The following SLCO2B1 variants were observed in gnomAD, a reference collection of about 807,000 sequenced individuals.
SLCO2B1 encodes the protein solute carrier organic anion transporter family member 2B1, also known as OATP-RP2.
Under a neutral mutation model 67.3 loss-of-function variants are expected in SLCO2B1, and 41 were observed. The observed-to-expected ratio is 0.61, with a 90% CI of 0.47 to 0.79. The LOEUF (loss-of-function observed/expected upper bound fraction) is 0.79. Ranked by LOEUF, SLCO2B1 falls within the 30% of genes least tolerant of loss-of-function variation. The probability of loss-of-function intolerance (pLI) is 0.00; values close to 1 mark genes in which losing one functional copy is unlikely to be tolerated. For synonymous variants in SLCO2B1, 379 were observed against 381.4 expected (o/e 0.99, Z 0.07); for missense variants, 837 against 920.1 (o/e 0.91, Z 1.17).
chr11:75,165,956 G>A lies in SLCO2B1; in HGVS notation c.448+7G>A, dbSNP rs1170020984. 2.5e-6 allele frequency: 4 copies of A among 1,611,572 alleles called. No homozygotes were observed. The African/African-American group carries it at 4.0e-5, about 16-fold the overall frequency. ...TACGACAACACCAGCCCTGGTAAGA[G>A]CAGCAGGGGCTGGGCAGGAGTGGGA... On this transcript the variant is annotated splice_region_variant and intron_variant, in intron 4 of 13. Transcript: ENST00000289575.
At position 75,169,713 on chromosome 11, in the gene SLCO2B1, C is replaced by T. The variant is rs773625681; in HGVS notation, c.730C>T (p.Leu244=). ...GATGGGGCCAGGCCTGGCCTTTGGG[C>T]TGGGCAGCCTCATGCTGCGCCTTTA... The part of the protein sequence containing the change: ...TMMGPGLAFG[L]GSLMLRLYVD... The change falls in exon 6 of 14, where the codon CTG becomes TTG. Residue 244 remains leucine, a synonymous_variant. Coordinates refer to ENST00000289575, the MANE Select transcript of SLCO2B1 (RefSeq NM_007256.5). The T allele has an allele frequency of 5.6e-6, 9 of 1,614,156 alleles. No homozygotes were observed. The highest frequency in any genetic ancestry group is 1.6e-4 in the Middle Eastern group (1 of 6,062).
At chr11:75,188,866 C>A (rs1565545918) in intron 8 of SLCO2B1, among the ~76,000 whole-genome samples, 2 of 152,206 alleles carry the variant, frequency 1.3e-5, no homozygotes, top group African/African-American at 2.4e-5. Flanking sequence ...CAGTTCAGAT[C>A]TGAGCCTGTG....
intron 1 of SLCO2B1, among the ~76,000 whole-genome samples, chr11:75,160,849 T>G (rs749192096): frequency 2.0e-5 from 3 of 152,226 alleles, no homozygotes; most frequent in Non-Finnish European, 2.9e-5. Context: ...TCATTAGTCA[T>G]TAGAAAAATG....
At chr11:75,165,710 A>T in intron 3 of SLCO2B1, 77 bp from the exon 4 acceptor site, 1 of 1,442,166 alleles carries the variant, frequency 6.9e-7, no homozygotes, top group Non-Finnish European at 9.6e-7. Context: ...CGGAAGTTAG[A>T]CATAGAGACA....
intron 1 of SLCO2B1, among the ~76,000 whole-genome samples, chr11:75,161,756 G>C (rs1949824166): frequency 6.6e-6 from 1 of 152,178 alleles, no homozygotes; most frequent in South Asian, 2.1e-4. Context: ...AGGAGCAGGT[G>C]GTTTCAGTCT....
intron 13 of SLCO2B1, chr11:75,203,629 A>G: frequency 1.6e-6 from 1 of 626,510 alleles, no homozygotes; most frequent in Non-Finnish European, 2.7e-6. Flanking sequence ...GTGACAGTTA[A>G]AGCAAGTAGC....
rs542758840 is a variant in SLCO2B1 at position 75,203,100 on chromosome 11, T to C, written c.1828+135T>C. ...TCACAAGCTCATGGGGTGACAGACC[T>C]GGCCCAGCTCTCCTAGAGCGGGGTA... is the stretch of plus-strand genomic sequence containing the variant. On this transcript the variant is annotated intron_variant, in intron 12 of 13. Coordinates refer to ENST00000289575, the MANE Select transcript of SLCO2B1 (RefSeq NM_007256.5). The C allele has an allele frequency of 6.8e-4, 777 of 1,140,306 alleles. 4 individuals are homozygous for C. The highest frequency in any genetic ancestry group is 3.8e-4 in the Admixed American group (22 of 58,322). The allele number at this position is 1,140,306 out of a possible 1,614,324, so 70.6% of individuals were successfully genotyped here.
At position 75,200,366 on chromosome 11, in the gene SLCO2B1, C is replaced by A; in HGVS notation, c.1742C>A (p.Pro581His). 1 of 1,609,024 alleles carries A rather than the reference C, an allele frequency of 6.2e-7. No individual in the cohort carries two copies. ...GSALACLTHT[P>H]SFMLILRGVK... The stretch of plus-strand genomic sequence containing the variant: ...GCCCTGGCCTGTCTCACCCACACAC[C>A]CTCCTTCATGCTCATCCTAAGGTGA... The change falls in exon 11 of 14, where the codon CCC becomes CAC. Residue 581 changes from proline to histidine, a missense_variant. Coordinates refer to ENST00000289575, the MANE Select transcript of SLCO2B1 (RefSeq NM_007256.5).
rs1396969391 is a variant in SLCO2B1, at chr11:75,204,675, C to G, written c.*95C>G. The G allele has an allele frequency of 9.0e-7, 1 of 1,108,444 alleles. No homozygotes were observed. Among genetic ancestry groups the G allele is most frequent in the Non-Finnish European group, 1.3e-6 (1 of 797,496 alleles). 68.7% of individuals were successfully genotyped at this position (1,108,444 alleles called of 1,614,324 possible). A position where few individuals can be genotyped will look rare whatever the true frequency, so the allele number is the denominator to read the frequency against. On this transcript the variant is annotated 3_prime_UTR_variant, in exon 14 of 14. Transcript: ENST00000289575. ...GATTGGGTGTCAAGAGCCCTGTGTT[C>G]CATTCTGGCTCCTCCACTAAATTGC...
chr11:75,182,229 C>T (rs1182380023), intron 7 of SLCO2B1, among the ~76,000 whole-genome samples: 1 of 152,196 alleles, frequency 6.6e-6, no homozygotes. Context: ...GTCTGTCACT[C>T]CCCTCCTGTT....
At chr11:75,183,293 C>T (rs913057645) in intron 7 of SLCO2B1, among the ~76,000 whole-genome samples, 8 of 152,176 alleles carry the variant, frequency 5.3e-5, no homozygotes, top group African/African-American at 1.2e-4. Flanking sequence ...GCCTACAGCA[C>T]ATCTCAATTT....
In SLCO2B1 at chr11:75,205,878, C is replaced by G. The variant is rs535275093; in HGVS notation, c.*1298C>G. On this transcript the variant is annotated 3_prime_UTR_variant, in exon 14 of 14. Transcript: ENST00000289575. ...CCCCACCTCGCTGGGACCTACTGCT[C>G]GGGAGGCAGCAGACAGGGAGCCACC... 6.6e-6 allele frequency: 1 copy of G among 152,162 alleles called. No homozygotes were observed. The highest frequency in any genetic ancestry group is 1.5e-5 in the Non-Finnish European group (1 of 68,036). The allele number at this position is 152,162 out of a possible 1,614,324, so 9.4% of individuals were successfully genotyped here. A position where few individuals can be genotyped will look rare whatever the true frequency, so the allele number is the denominator to read the frequency against.
chr11:75,153,822 G>A (rs967162600), intron 1 of SLCO2B1, among the ~76,000 whole-genome samples: 2 of 152,148 alleles, frequency 1.3e-5, no homozygotes, highest in Non-Finnish European at 2.9e-5. Flanking sequence ...AAGGCAATTG[G>A]GAGCTATAGA....
rs1945058539 is a variant in SLCO2B1, at chr11:75,193,567, C to A, written c.1425C>A (p.His475Gln). 3 of 1,554,260 alleles carry A rather than the reference C, an allele frequency of 1.9e-6. No homozygotes were observed. Among genetic ancestry groups the A allele is most frequent in the Non-Finnish European group, 2.6e-6 (3 of 1,149,626 alleles). ...GCCACCAGATTGCGGGCATCACACA[C>A]CAGACCAGGTGAGTGTGTGCGTGGG... ...CSSHQIAGIT[H>Q]QTSAHPGLEL... The change falls in exon 9 of 14, where the codon CAC becomes CAA. Residue 475 changes from histidine (H) to glutamine (Q), a missense_variant. His to Gln is a conservative substitution (Grantham distance 24). Coordinates refer to ENST00000289575, the MANE Select transcript of SLCO2B1 (RefSeq NM_007256.5). This position sits in a 1 kb window ranked among gnomAD's most constrained non-coding sequence, Gnocchi z 4.2.
In SLCO2B1 at chr11:75,200,342, C is replaced by G; in HGVS notation, c.1718C>G (p.Ala573Gly). 1 of 1,612,776 alleles carries G rather than the reference C, an allele frequency of 6.2e-7. No individual in the cohort carries two copies. Among genetic ancestry groups the G allele is most frequent in the Admixed American group, 1.7e-5 (1 of 59,936 alleles). ...CTGCTCCTGGTCAGCCTGGGCTCGG[C>G]CCTGGCCTGTCTCACCCACACACCC... Reference protein sequence around the residue: ...PFLLLVSLGSALACLTHTPSF... With the variant: ...PFLLLVSLGSGLACLTHTPSF... Residue 573 changes from alanine to glycine, a missense_variant, in exon 11 of 14, where the codon GCC (alanine) becomes GGC (glycine). Ala to Gly is a moderately conservative substitution (Grantham distance 60). Transcript: ENST00000289575.
chr11:75,170,333 A>G (rs576948252), intron 6 of SLCO2B1, among the ~76,000 whole-genome samples: 5 of 152,210 alleles, frequency 3.3e-5, no homozygotes, highest in Admixed American at 6.5e-5. Context: ...TGCCAGGGGC[A>G]CCATTTGGGA....
intron 1 of SLCO2B1, among the ~76,000 whole-genome samples, chr11:75,154,864 G>T (rs1949729576): frequency 6.6e-6 from 1 of 152,192 alleles, no homozygotes; most frequent in Admixed American, 6.5e-5. Flanking sequence ...ACCCCTTAAG[G>T]GGTCAATTTA....
rs368871107 is a variant in SLCO2B1, at chr11:75,204,453, T to C, written c.2003T>C (p.Leu668Ser). The change falls in exon 14 of 14, where the codon TTA becomes TCA. Residue 668 changes from leucine to serine, a missense_variant. Transcript: ENST00000289575. Reference sequence around the variant, plus strand: ...ACAGGTTCTGTGATCTGCTTCGCCTTAGTTTTGGCTGTCCTGAGGCAGCAG... The same window carrying C: ...ACAGGTTCTGTGATCTGCTTCGCCTCAGTTTTGGCTGTCCTGAGGCAGCAG... ...FKTGSVICFA[L>S]VLAVLRQQDK... 3 of 1,612,754 alleles carry C rather than the reference T, an allele frequency of 1.9e-6. No homozygotes were observed. The African/African-American group carries it at 4.0e-5, about 22-fold the overall frequency.
At chr11:75,183,023 A>G (rs1038757304) in intron 7 of SLCO2B1, among the ~76,000 whole-genome samples, 2 of 152,200 alleles carry the variant, frequency 1.3e-5, no homozygotes, top group Non-Finnish European at 2.9e-5. Context: ...CCCAGAGCTC[A>G]GACGGGACTC....
Sources: gnomAD v4.1 joint callset for allele counts (sites outside exome capture counted in the v4.1 genomes callset) on GRCh38, gnomAD v4.1.1 for gene constraint, Gnocchi (gnomAD v3.1) non-coding constraint, MANE v1.5 for transcripts, NCBI Gene and HGNC (gene_info 2026-07-23, HGNC 2026-07-21) for gene names.